ZFP2: variants seen among roughly 807,000 people sequenced by gnomAD.
ZFP2 encodes ZFP2 zinc finger protein.
ZFP2 carries 33 observed loss-of-function variants against 36.1 expected under a neutral mutation model. The ratio of observed to expected loss-of-function variants is 0.92; its 90% CI spans 0.69 to 1.22. The LOEUF is 1.22. Among genes scored for constraint, ZFP2 ranks in the 50% most tolerant of loss-of-function variants. ZFP2 has a pLI of 0.00. For synonymous variants in ZFP2, 170 were observed against 178.0 expected (o/e 0.96, Z 0.36); for missense variants, 522 against 551.4 (o/e 0.95, Z 0.53).
chr5:178,926,373 A>T (rs13183468), intron 4 of ZFP2, among the ~76,000 whole-genome samples: 28,582 of 152,176 alleles, frequency 0.19, 3,249 homozygotes, highest in Non-Finnish European at 0.24. Context: ...GTATTTGTCT[A>T]ATAGTGTAAA....
chr5:178,919,702 G>A (rs1222997730), intron 4 of ZFP2, among the ~76,000 whole-genome samples: 1 of 152,120 alleles, frequency 6.6e-6, no homozygotes, highest in Non-Finnish European at 1.5e-5. Flanking sequence ...GTTCACACCT[G>A]TAATCTCAGC....
chr5:178,917,806 G>A (rs574867209), intron 4 of ZFP2, among the ~76,000 whole-genome samples: 19 of 152,272 alleles, frequency 1.2e-4, no homozygotes, highest in Admixed American at 2.6e-4. Context: ...CTTTGCTTTC[G>A]TTACTAGGAA....
At chr5:178,903,385 A>C (rs1367918350) in intron 1 of ZFP2, among the ~76,000 whole-genome samples, 1 of 152,182 alleles carries the variant, frequency 6.6e-6, no homozygotes, top group African/African-American at 2.4e-5. Context: ...CCTTTTTAAA[A>C]ATTTAAAGGC....
At chr5:178,906,611 A>C (rs970835084) in intron 1 of ZFP2, among the ~76,000 whole-genome samples, 1 of 151,890 alleles carries the variant, frequency 6.6e-6, no homozygotes, top group Admixed American at 6.6e-5. Flanking sequence ...GCTGGAGTGC[A>C]GTGGCCCGAT....
intron 1 of ZFP2, among the ~76,000 whole-genome samples, 151 bp from the exon 2 acceptor site, chr5:178,912,433 T>C (rs1758318195): frequency 6.6e-6 from 1 of 152,280 alleles, no homozygotes; most frequent in South Asian, 2.1e-4. Context: ...ATATTATGTC[T>C]CTGGTTATTT....
At chr5:178,913,142 G>C in intron 3 of ZFP2, 71 bp downstream of exon 3, 6 of 869,238 alleles carry the variant, frequency 6.9e-6, no homozygotes, top group Non-Finnish European at 8.3e-6. Flanking sequence ...AGATTGTTGG[G>C]TCTCTGGAGA....
intron 3 of ZFP2, chr5:178,913,830 C>G (rs1434372895): frequency 2.0e-5 from 3 of 149,126 alleles, no homozygotes; most frequent in African/African-American, 4.9e-5. Flanking sequence ...CTACCATGTG[C>G]AAAAGTACCA....
chr5:178,898,570 T>C (rs1030201455), intron 1 of ZFP2, among the ~76,000 whole-genome samples: 4 of 152,230 alleles, frequency 2.6e-5, no homozygotes, highest in African/African-American at 9.6e-5. Flanking sequence ...CTTCTTTCCC[T>C]TCCCTCAGCT....
intron 1 of ZFP2, among the ~76,000 whole-genome samples, chr5:178,907,448 C>T (rs1259820718): frequency 6.6e-6 from 1 of 151,290 alleles, no homozygotes. Flanking sequence ...CCCACATGAG[C>T]CTGACTTTAA....
intron 4 of ZFP2, among the ~76,000 whole-genome samples, chr5:178,920,706 T>C (rs1362790233): frequency 6.6e-6 from 1 of 152,246 alleles, no homozygotes. Flanking sequence ...TATGCTCATT[T>C]TCTTTGCTGA....
chr5:178,928,835 G>C (rs1214733824), intron 4 of ZFP2, among the ~76,000 whole-genome samples: 1 of 152,232 alleles, frequency 6.6e-6, no homozygotes, highest in African/African-American at 2.4e-5. Context: ...CACTGCCCTA[G>C]TATAGGTTCT....
At chr5:178,919,328 C>G (rs1356941156) in intron 4 of ZFP2, among the ~76,000 whole-genome samples, 1 of 152,128 alleles carries the variant, frequency 6.6e-6, no homozygotes, top group African/African-American at 2.4e-5. Context: ...TAGTTATACT[C>G]TTGATGTCTA....
At chr5:178,904,015 G>A (rs190958000) in intron 1 of ZFP2, among the ~76,000 whole-genome samples, 13,538 of 147,578 alleles carry the variant, frequency 0.092, 691 homozygotes, top group Non-Finnish European at 0.12. Context: ...AAAAAAAAAA[G>A]AAAAGTTTTC....
chr5:178,923,343 A>G (rs1036268730), intron 4 of ZFP2, among the ~76,000 whole-genome samples: 5 of 149,412 alleles, frequency 3.3e-5, no homozygotes, highest in African/African-American at 9.7e-5. Flanking sequence ...TTCTGCCTCT[A>G]TGAATTTGAC....
At chr5:178,930,708 C>T (rs7721650) in intron 4 of ZFP2, among the ~76,000 whole-genome samples, 152 of 152,238 alleles carry the variant, frequency 1.0e-3, no homozygotes, top group African/African-American at 3.4e-3. Context: ...TTAAGAGCCA[C>T]GGTTTGAATC....
At chr5:178,920,925 ACT>A (rs1397503014) in intron 4 of ZFP2, among the ~76,000 whole-genome samples, 1 of 152,064 alleles carries the variant, frequency 6.6e-6, no homozygotes, top group Non-Finnish European at 1.5e-5. Flanking sequence ...ATGTTATAAA[ACT>A]CTATGTCTTC....
intron 4 of ZFP2, among the ~76,000 whole-genome samples, chr5:178,929,055 G>C (rs533673300): frequency 2.6e-5 from 4 of 152,324 alleles, no homozygotes; most frequent in Admixed American, 2.0e-4. Flanking sequence ...TTTCAGCCGT[G>C]GGTGGATCTG....
chr5:178,926,126 C>T (rs969172492), intron 4 of ZFP2, among the ~76,000 whole-genome samples: 4 of 128,248 alleles, frequency 3.1e-5, no homozygotes, highest in Non-Finnish European at 7.6e-5. Flanking sequence ...GGATTACAGG[C>T]GCGAGCCACT....
intron 4 of ZFP2, among the ~76,000 whole-genome samples, chr5:178,928,538 A>G (rs1431141585): frequency 6.6e-6 from 1 of 152,220 alleles, no homozygotes; most frequent in African/African-American, 2.4e-5. Flanking sequence ...TAAATCTTAA[A>G]GCTTCAAAAT....
Sources: gnomAD v4.1 joint callset for allele counts (sites outside exome capture counted in the v4.1 genomes callset) on GRCh38, gnomAD v4.1.1 for gene constraint, MANE v1.5 for transcripts, NCBI Gene and HGNC (gene_info 2026-07-23, HGNC 2026-07-21) for gene names.